Variants in ROBO2 observed in about 807,000 individuals in gnomAD.
The protein encoded by ROBO2 is roundabout guidance receptor 2.
ROBO2 carries 53 observed loss-of-function variants against 160.8 expected under a neutral mutation model. The observed-to-expected ratio is 0.33, with a 90% CI of 0.26 to 0.41. The LOEUF is 0.41. Among genes scored for constraint, ROBO2 ranks in the 10% least tolerant of loss-of-function variants. The probability of loss-of-function intolerance (pLI) is 1.00; values close to 1 mark genes in which losing one functional copy is unlikely to be tolerated. For synonymous variants in ROBO2, 664 were observed against 611.7 expected, an observed-to-expected ratio of 1.09 and a Z score of -1.26; for missense variants, 1,577 against 1,722.4, an observed-to-expected ratio of 0.92 and a Z score of 1.49.
chr3:76,429,133 C>A (rs985875767), intron 2 of ROBO2, among the ~76,000 whole-genome samples: 2 of 151,912 alleles, frequency 1.3e-5, no homozygotes, highest in African/African-American at 4.8e-5. Context: ...AGATAACAAG[C>A]ATTTCCCTCA....
chr3:76,113,313 A>C (rs1005749040), intron 2 of ROBO2, among the ~76,000 whole-genome samples: 3 of 152,144 alleles, frequency 2.0e-5, no homozygotes, highest in African/African-American at 7.2e-5. Context: ...ATGGTGGATA[A>C]GTTCAATTAC....
rs1335449141 is a variant in ROBO2 at position 76,567,681 on chromosome 3, GTATATA to G, written c.110-530327_110-530322del. On this transcript the variant is annotated intron_variant, in intron 2 of 26. Coordinates refer to the ROBO2 transcript ENST00000487694. The stretch of plus-strand genomic sequence containing the variant: ...CATACACATATATATACATATATAT[GTATATA>G]TATATGTATATCAGTGTATATGTGT... Among the ~76,000 whole-genome samples the G allele has an allele frequency of 7.2e-4, 38 of 52,924 alleles. 3 individuals are homozygous for G. The highest frequency in any genetic ancestry group is 6.8e-3 in the South Asian group (12 of 1,770). 34.7% of individuals were successfully genotyped at this position (52,924 alleles called of 152,430 possible). A position where few individuals can be genotyped will look rare whatever the true frequency, so the allele number is the denominator to read the frequency against.
chr3:76,584,424 T>G (rs2085901193), intron 2 of ROBO2, among the ~76,000 whole-genome samples: 1 of 152,142 alleles, frequency 6.6e-6, no homozygotes, highest in African/African-American at 2.4e-5. Context: ...TTCATTAGAA[T>G]GAGGTTGTTA....
At chr3:76,357,510 A>G (rs898540321) in intron 2 of ROBO2, among the ~76,000 whole-genome samples, 1 of 152,028 alleles carries the variant, frequency 6.6e-6, no homozygotes, top group South Asian at 2.1e-4. Flanking sequence ...TAGTGATACA[A>G]ATCTCAACAA....
chr3:76,669,303 T>C (rs940681382), intron 2 of ROBO2, among the ~76,000 whole-genome samples: 14 of 152,128 alleles, frequency 9.2e-5, no homozygotes, highest in Non-Finnish European at 1.3e-4. Context: ...AATGCATCTA[T>C]GAAATATTTT....
At chr3:76,498,557 T>A (rs1389407515) in intron 2 of ROBO2, among the ~76,000 whole-genome samples, 1 of 151,834 alleles carries the variant, frequency 6.6e-6, no homozygotes, top group African/African-American at 2.4e-5. Flanking sequence ...TTCTGTTCTA[T>A]GCAAGAAATA....
intron 2 of ROBO2, among the ~76,000 whole-genome samples, chr3:76,068,914 A>G (rs2068350995): frequency 6.6e-6 from 1 of 152,190 alleles, no homozygotes. Flanking sequence ...TCCAGGACAC[A>G]ATATTGTCAA....
chr3:77,384,363 T>C (rs1271740920), intron 2 of ROBO2, among the ~76,000 whole-genome samples: 1 of 152,204 alleles, frequency 6.6e-6, no homozygotes, highest in African/African-American at 2.4e-5. Context: ...CAAGTCCATC[T>C]CTTTCTTGAT....
chr3:77,352,260 G>A (rs191309182), intron 2 of ROBO2, among the ~76,000 whole-genome samples: 457 of 151,464 alleles, frequency 3.0e-3, no homozygotes, highest in Middle Eastern at 6.8e-3. Context: ...ATAAAAAAAG[G>A]CCTAGGATTT....
chr3:77,287,242 C>T (rs2060669328), intron 2 of ROBO2, among the ~76,000 whole-genome samples: 1 of 152,182 alleles, frequency 6.6e-6, no homozygotes, highest in Non-Finnish European at 1.5e-5. Context: ...CCATTAGAGA[C>T]TTGTGCCCTT....
chr3:77,128,657 T>C (rs1487378363), intron 2 of ROBO2, among the ~76,000 whole-genome samples: 1 of 152,244 alleles, frequency 6.6e-6, no homozygotes, highest in Admixed American at 6.5e-5. Flanking sequence ...CACCATGATA[T>C]TTAATGGTGG....
rs564968572 is a variant in ROBO2 at position 76,175,633 on chromosome 3, C to G, written c.109+238031C>G. Among the ~76,000 whole-genome samples, 3 of 152,064 alleles carry G rather than the reference C, an allele frequency of 2.0e-5. 1 individual carries two copies. The highest frequency in any genetic ancestry group is 4.4e-5 in the Non-Finnish European group (3 of 67,990). On this transcript the variant is annotated intron_variant, in intron 2 of 26. Coordinates refer to the ROBO2 transcript ENST00000487694. ...GTTACCAGAAAGCTATACTCCCTAT[C>G]CTTGCCTCTTGGATCTCTGGAACTG... is the stretch of plus-strand genomic sequence containing the variant.
At chr3:76,178,721 G>C (rs1175809393) in intron 2 of ROBO2, among the ~76,000 whole-genome samples, 1 of 152,056 alleles carries the variant, frequency 6.6e-6, no homozygotes, top group Admixed American at 6.6e-5. Context: ...GAGGTGGGGG[G>C]ATTACAAGGT....
intron 2 of ROBO2, among the ~76,000 whole-genome samples, chr3:76,607,946 G>T (rs941563659): frequency 2.0e-5 from 3 of 151,964 alleles, no homozygotes; most frequent in Non-Finnish European, 4.4e-5. Flanking sequence ...TTCCTAACTG[G>T]TTTTCTTGCT....
At chr3:76,480,533 A>C (rs931968566) in intron 2 of ROBO2, among the ~76,000 whole-genome samples, 4 of 152,108 alleles carry the variant, frequency 2.6e-5, no homozygotes, top group Non-Finnish European at 5.9e-5. Flanking sequence ...AACAACAGAA[A>C]CTTTTTTCTT....
chr3:76,888,000 C>A (rs1289175702), intron 2 of ROBO2, among the ~76,000 whole-genome samples: 1 of 152,088 alleles, frequency 6.6e-6, no homozygotes, highest in Non-Finnish European at 1.5e-5. Flanking sequence ...CTGACTTTAC[C>A]TACATTCGAA....
intron 2 of ROBO2, among the ~76,000 whole-genome samples, chr3:76,064,031 G>C (rs1313972346): frequency 6.6e-6 from 1 of 152,178 alleles, no homozygotes; most frequent in Non-Finnish European, 1.5e-5. Flanking sequence ...ACAACCAGCA[G>C]AGAAACAGGG....
At chr3:77,469,428 T>A (rs1417936911) in intron 2 of ROBO2, among the ~76,000 whole-genome samples, 3 of 152,162 alleles carry the variant, frequency 2.0e-5, no homozygotes, top group African/African-American at 7.2e-5. Context: ...AGCTGCATGC[T>A]GGTTGGGGTT....
Position 76,724,240 on chromosome 3 carries a change from A to G in ROBO2, c.110-373774A>G, listed in dbSNP as rs2093511553. On this transcript the variant is annotated intron_variant, in intron 2 of 26. Transcript: ENST00000487694. ...TCCAACACTGCAGTAGCTCCTGACC[A>G]GCCCTCTGGACCCCCTTAGGCCAAG... Among the ~76,000 whole-genome samples the G allele has an allele frequency of 2.6e-5, 4 of 152,154 alleles. No individual in the cohort carries two copies. In the South Asian group the frequency reaches 8.3e-4, roughly 31 times the overall value.
Sources: gnomAD v4.1 joint callset for allele counts (sites outside exome capture counted in the v4.1 genomes callset) on GRCh38, gnomAD v4.1.1 for gene constraint, MANE v1.5 for transcripts, NCBI Gene and HGNC (gene_info 2026-07-23, HGNC 2026-07-21) for gene names.